Variants in NCOA7 observed in about 807,000 individuals in gnomAD.
NCOA7 encodes the protein nuclear receptor coactivator 7, also known as 140 kDa estrogen receptor-associated protein.
A neutral mutation model predicts 104.3 loss-of-function variants in NCOA7; 45 were observed. The ratio of observed to expected loss-of-function variants is 0.43; its 90% CI spans 0.34 to 0.55. The LOEUF is 0.55. NCOA7 is among the 20% of genes least tolerant of loss of function. The pLI is 0.02. For synonymous variants in NCOA7, 398 were observed against 402.3 expected (o/e 0.99, Z 0.13); for missense variants, 1,041 against 1,119.7 (o/e 0.93, Z 1.00).
At chr6:125,884,314 A>G (rs1321463581) in intron 7 of NCOA7, among the ~76,000 whole-genome samples, 1 of 152,218 alleles carries the variant, frequency 6.6e-6, no homozygotes, top group Middle Eastern at 3.2e-3. Context: ...TAAACATGCA[A>G]GTGCAGATAC....
intron 13 of NCOA7, 54 bp downstream of exon 13, chr6:125,922,888 C>A: frequency 6.5e-7 from 1 of 1,546,844 alleles, no homozygotes; most frequent in Non-Finnish European, 8.8e-7. Context: ...TCAAAATTCC[C>A]AACAGTAGAG....
At chr6:125,858,193 C>T (rs960764157) in intron 3 of NCOA7, among the ~76,000 whole-genome samples, 2 of 152,028 alleles carry the variant, frequency 1.3e-5, no homozygotes, top group Non-Finnish European at 2.9e-5. Context: ...TTCAGCTTGA[C>T]GTGTGCTCTT....
intron 2 of NCOA7, among the ~76,000 whole-genome samples, chr6:125,825,129 G>A (rs1422832288): frequency 1.3e-5 from 2 of 149,236 alleles, no homozygotes; most frequent in Non-Finnish European, 3.0e-5. Context: ...CTAGATACCA[G>A]GAGTTTGAGA....
intron 10 of NCOA7, among the ~76,000 whole-genome samples, chr6:125,914,216 A>C (rs576802588): frequency 1.4e-4 from 22 of 152,374 alleles, no homozygotes; most frequent in African/African-American, 5.3e-4. Flanking sequence ...ATATCCTGAC[A>C]GCATAGGAAT....
chr6:125,904,160 G>C (rs1195034701), intron 10 of NCOA7, among the ~76,000 whole-genome samples: 1 of 152,114 alleles, frequency 6.6e-6, no homozygotes, highest in African/African-American at 2.4e-5. Flanking sequence ...CACCTGCTCT[G>C]TCTTCTTTCT....
intron 11 of NCOA7, among the ~76,000 whole-genome samples, chr6:125,917,286 G>C (rs1206498070): frequency 6.6e-6 from 1 of 152,090 alleles, no homozygotes; most frequent in Non-Finnish European, 1.5e-5. Context: ...AAGCTCCTTC[G>C]TGGCATCAGG....
chr6:125,878,368 C>A lies in NCOA7; in HGVS notation c.457C>A (p.Gln153Lys), dbSNP rs1239894536. The A allele has an allele frequency of 1.2e-6, 2 of 1,600,072 alleles. No homozygotes were observed. ...KLFTHTIVPG[Q>K]VLFVPDANSP... ...TTTCACACATACTATTGTTCCAGGC[C>A]AGGTAATTATACTCTTACTGGATAT... Residue 153 changes from glutamine to lysine, a missense_variant and splice_region_variant, in exon 5 of 16, where the codon CAG becomes AAG. Transcript: ENST00000392477.
intron 13 of NCOA7, among the ~76,000 whole-genome samples, chr6:125,924,287 C>A (rs906388455): frequency 6.6e-6 from 1 of 152,200 alleles, no homozygotes; most frequent in African/African-American, 2.4e-5. Context: ...ATTGATGAAG[C>A]ACAGTTTTAC....
chr6:125,922,544 A>T (rs987156195), intron 12 of NCOA7, 138 bp from the exon 13 acceptor site: 1 of 1,006,486 alleles, frequency 9.9e-7, no homozygotes, highest in South Asian at 1.7e-5. Context: ...AGAATAGCAA[A>T]TATTTGCCAG....
intron 1 of NCOA7, among the ~76,000 whole-genome samples, chr6:125,801,472 T>C (rs1237969604): frequency 1.3e-5 from 2 of 152,156 alleles, no homozygotes; most frequent in Admixed American, 6.5e-5. Context: ...ACAGTGATAG[T>C]GTATAAAAGT....
chr6:125,922,812 T>C lies in NCOA7; in HGVS notation c.2501T>C (p.Val834Ala). The C allele has an allele frequency of 6.2e-7, 1 of 1,614,044 alleles. No homozygotes were observed. The highest frequency in any genetic ancestry group is 8.5e-7 in the Non-Finnish European group (1 of 1,179,976). ...SASLDSPVLLVIKDMDNQIFG... is the reference protein window; with the variant it reads ...SASLDSPVLLAIKDMDNQIFG... Reference sequence around the variant, plus strand: ...TCACTAGACAGTCCTGTCCTATTGGTCATCAAAGATATGGATAATCAGGTG... The same window carrying C: ...TCACTAGACAGTCCTGTCCTATTGGCCATCAAAGATATGGATAATCAGGTG... The change falls in exon 13 of 16, where the codon GTC (valine) becomes GCC (alanine). Residue 834 changes from valine (V) to alanine (A), a missense_variant. This residue lies in a region of NCOA7 where 127 missense variants were observed against 177.0 expected (regional missense o/e 0.72). Coordinates refer to ENST00000392477, the MANE Select transcript of NCOA7 (RefSeq NM_181782.5).
chr6:125,812,916 C>T (rs1038127545), intron 1 of NCOA7, among the ~76,000 whole-genome samples: 5 of 152,320 alleles, frequency 3.3e-5, no homozygotes, highest in Non-Finnish European at 5.9e-5. Flanking sequence ...CATCAGTCTC[C>T]TAAGTATTTC....
At chr6:125,831,290 C>T (rs959177314) in intron 2 of NCOA7, among the ~76,000 whole-genome samples, 1 of 151,890 alleles carries the variant, frequency 6.6e-6, no homozygotes, top group African/African-American at 2.4e-5. Context: ...CTAGCCCAAC[C>T]AAAAAAGATA....
chr6:125,885,021 A>C, intron 7 of NCOA7, 138 bp from the exon 8 acceptor site: 1 of 836,826 alleles, frequency 1.2e-6, no homozygotes, highest in South Asian at 1.7e-5. Context: ...GGTCCTCACA[A>C]AGGGGATGTA....
At chr6:125,899,527 T>C (rs950553576) in intron 10 of NCOA7, among the ~76,000 whole-genome samples, 13 of 152,220 alleles carry the variant, frequency 8.5e-5, no homozygotes, top group Non-Finnish European at 1.6e-4. Flanking sequence ...TGTTATACTG[T>C]AATTTTATGA....
intron 10 of NCOA7, among the ~76,000 whole-genome samples, chr6:125,908,876 CT>C: frequency 6.6e-6 from 1 of 152,254 alleles, no homozygotes; most frequent in Non-Finnish European, 1.5e-5. Flanking sequence ...ACTTTTCACA[CT>C]TTACGTTTTC....
intron 11 of NCOA7, among the ~76,000 whole-genome samples, chr6:125,916,316 C>T (rs1198227882): frequency 6.6e-6 from 1 of 152,234 alleles, no homozygotes; most frequent in Non-Finnish European, 1.5e-5. Context: ...GCCAATTAAA[C>T]CTCTTTTGTT....
At chr6:125,870,333 T>G (rs765694505) in intron 3 of NCOA7, among the ~76,000 whole-genome samples, 1 of 152,182 alleles carries the variant, frequency 6.6e-6, no homozygotes, top group Non-Finnish European at 1.5e-5. Context: ...TTTCAAAACC[T>G]CTCTGTGAAT....
intron 2 of NCOA7, among the ~76,000 whole-genome samples, chr6:125,831,385 G>A (rs1779170918): frequency 6.6e-6 from 1 of 151,984 alleles, no homozygotes; most frequent in Non-Finnish European, 1.5e-5. Flanking sequence ...AATCACAAAT[G>A]ATTAATGAGC....
Sources: gnomAD v4.1 joint callset for allele counts (sites outside exome capture counted in the v4.1 genomes callset) on GRCh38, gnomAD v4.1.1 for gene constraint, gnomAD v4.1.1 regional missense constraint, MANE v1.5 for transcripts, NCBI Gene and HGNC (gene_info 2026-07-23, HGNC 2026-07-21) for gene names.